RBFOX1: variants seen among roughly 807,000 people sequenced by gnomAD.
RBFOX1 encodes the protein RNA binding fox-1 homolog 1.
A neutral mutation model predicts 57.7 loss-of-function variants in RBFOX1; 8 were observed. That is an observed-to-expected ratio of 0.14 (90% CI 0.08 to 0.25). RBFOX1 has a LOEUF of 0.25. Among genes scored for constraint, RBFOX1 ranks in the 10% least tolerant of loss-of-function variants. The pLI is 1.00. For missense variants in RBFOX1, 611 were observed against 548.5 expected (o/e 1.11, Z -1.14); for synonymous variants, 326 against 222.4 (o/e 1.47, Z -4.15).
intron 4 of RBFOX1, among the ~76,000 whole-genome samples, chr16:7,396,209 T>A (rs1212064455): frequency 6.6e-6 from 1 of 152,142 alleles, no homozygotes; most frequent in African/African-American, 2.4e-5. Flanking sequence ...CTCTGCTGTG[T>A]CTCCAAGAGC....
In RBFOX1 at chr16:5,954,738, G is replaced by A. The variant is rs113731766; in HGVS notation, c.351+87403G>A. ...AGCTATTATTTCATCTCTGCCACCC[G>A]GCACTTGGCCAAATTGCAGAGGCTA... On this transcript the variant is annotated intron_variant, in intron 4 of 19. Coordinates refer to the RBFOX1 transcript ENST00000641259. Among the ~76,000 whole-genome samples the A allele has an allele frequency of 7.2e-3, 1,096 of 152,188 alleles. 14 individuals carry two copies. Among genetic ancestry groups the A allele is most frequent in the African/African-American group, 0.025 (1,041 of 41,504 alleles).
chr16:5,649,050 T>A (rs1268376793), intron 3 of RBFOX1, among the ~76,000 whole-genome samples: 2 of 151,566 alleles, frequency 1.3e-5, no homozygotes, highest in African/African-American at 2.4e-5. Flanking sequence ...AGAGACAGAA[T>A]GAGACTCTGT....
intron 12 of RBFOX1, chr16:7,664,638 A>G: frequency 4.4e-6 from 2 of 449,444 alleles, no homozygotes; most frequent in Non-Finnish European, 8.0e-6. Flanking sequence ...TCCTCTTTGC[A>G]TTTCAAAGTC....
chr16:5,483,301 G>T (rs931066261), intron 2 of RBFOX1, among the ~76,000 whole-genome samples: 1 of 152,142 alleles, frequency 6.6e-6, no homozygotes, highest in African/African-American at 2.4e-5. Flanking sequence ...TGCTCTTCGT[G>T]CTCTTGGCAC....
At chr16:5,926,491 G>A (rs1388621048) in intron 4 of RBFOX1, among the ~76,000 whole-genome samples, 4 of 152,138 alleles carry the variant, frequency 2.6e-5, no homozygotes, top group African/African-American at 4.8e-5. Flanking sequence ...GCAGTGAGTG[G>A]TCCAGACCTC....
intron 3 of RBFOX1, among the ~76,000 whole-genome samples, chr16:6,877,376 A>T (rs190791309): frequency 2.6e-5 from 4 of 152,324 alleles, no homozygotes; most frequent in Admixed American, 2.6e-4. Flanking sequence ...TTCTCTAATA[A>T]CTGACATAAC....
chr16:6,988,768 T>A (rs1332463132), intron 3 of RBFOX1, among the ~76,000 whole-genome samples: 1 of 150,324 alleles, frequency 6.7e-6, no homozygotes. Context: ...GTTTTTTGTT[T>A]TTTGTTTTTT....
chr16:6,293,418 G>A (rs1160291139), intron 1 of RBFOX1, among the ~76,000 whole-genome samples: 3 of 147,944 alleles, frequency 2.0e-5, no homozygotes, highest in Non-Finnish European at 4.5e-5. Context: ...CGCTCTGCCC[G>A]GGCTCATCAT....
At chr16:5,647,564 C>G (rs965483009) in intron 3 of RBFOX1, among the ~76,000 whole-genome samples, 2 of 152,174 alleles carry the variant, frequency 1.3e-5, no homozygotes, top group Non-Finnish European at 2.9e-5. Flanking sequence ...CCCGTGGAAA[C>G]CCCACCTCTT....
At chr16:6,874,616 CA>C (rs2061512649) in intron 3 of RBFOX1, among the ~76,000 whole-genome samples, 1 of 150,990 alleles carries the variant, frequency 6.6e-6, no homozygotes, top group South Asian at 2.1e-4. Context: ...GAATGGAAAC[CA>C]AACATCTCAT....
At chr16:6,283,896 T>G (rs2076641032) in intron 1 of RBFOX1, among the ~76,000 whole-genome samples, 1 of 152,246 alleles carries the variant, frequency 6.6e-6, no homozygotes. Flanking sequence ...CTAAACCGAC[T>G]TTGTTTCTGA....
At chr16:6,613,432 G>T (rs192339930) in intron 2 of RBFOX1, among the ~76,000 whole-genome samples, 9 of 152,200 alleles carry the variant, frequency 5.9e-5, no homozygotes, top group Non-Finnish European at 4.4e-5. Context: ...GTGGTGTTTA[G>T]TACGTGAAAC....
intron 3 of RBFOX1, among the ~76,000 whole-genome samples, chr16:5,849,182 G>T (rs1385935966): frequency 6.6e-6 from 1 of 151,880 alleles, no homozygotes; most frequent in African/African-American, 2.4e-5. Context: ...CTTTTTTCAT[G>T]GCCTTCAAGC....
chr16:6,888,231 A>G (rs1289782935), intron 3 of RBFOX1, among the ~76,000 whole-genome samples: 1 of 152,210 alleles, frequency 6.6e-6, no homozygotes, highest in African/African-American at 2.4e-5. Flanking sequence ...ACCAATGAAA[A>G]GAAATGAAAA....
chr16:5,462,162 TTCTTTC>T (rs1337045419), intron 1 of RBFOX1, among the ~76,000 whole-genome samples: 3 of 106,294 alleles, frequency 2.8e-5, no homozygotes, highest in African/African-American at 4.3e-5. Flanking sequence ...GTTTCTTTCT[TTCTTTC>T]TTTTTTTTTT....
At chr16:5,707,696 G>C (rs960201079) in intron 3 of RBFOX1, among the ~76,000 whole-genome samples, 3 of 152,198 alleles carry the variant, frequency 2.0e-5, no homozygotes, top group Non-Finnish European at 4.4e-5. Context: ...ACTTCTATGA[G>C]CAGGAATAGC....
At position 5,750,051 on chromosome 16, in the gene RBFOX1, A is replaced by G. The variant is rs192866448; in HGVS notation, c.319-117252A>G. On this transcript the variant is annotated intron_variant, in intron 3 of 19. Coordinates refer to the RBFOX1 transcript ENST00000641259. ...ATGTACAGATGCGGTTTTGGTGTGG[A>G]TGTCCTTTCTGTTTGTTAGTTTTCC... is the stretch of plus-strand genomic sequence containing the variant. Among the ~76,000 whole-genome samples the G allele has an allele frequency of 1.4e-3, 207 of 152,142 alleles. 1 individual carries two copies. Among genetic ancestry groups the G allele is most frequent in the African/African-American group, 4.7e-3 (196 of 41,496 alleles).
intron 5 of RBFOX1, among the ~76,000 whole-genome samples, chr16:7,529,584 C>G (rs1036872455): frequency 3.9e-5 from 6 of 152,160 alleles, no homozygotes; most frequent in African/African-American, 1.4e-4. Context: ...AGATTTCTTT[C>G]TTCTTAAGAA....
At chr16:6,700,420 G>A (rs1031687176) in intron 3 of RBFOX1, among the ~76,000 whole-genome samples, 10 of 152,028 alleles carry the variant, frequency 6.6e-5, no homozygotes, top group Non-Finnish European at 1.5e-4. Context: ...CACTTTGGGA[G>A]GCCGAAGCAG....
Sources: allele counts gnomAD v4.1 joint callset (sites outside exome capture counted in the v4.1 genomes callset), GRCh38; gene constraint gnomAD v4.1.1; transcripts MANE v1.5; gene names NCBI Gene and HGNC (gene_info 2026-07-23, HGNC 2026-07-21).